Variants in ATP11C observed in about 807,000 individuals in gnomAD.
ATP11C encodes phospholipid-transporting ATPase IG.
ATP11C carries 36 observed loss-of-function variants against 97.4 expected under a neutral mutation model. The observed-to-expected ratio is 0.37, with a 90% CI of 0.28 to 0.49. The LOEUF is 0.49. Ranked by LOEUF, ATP11C falls within the 20% of genes least tolerant of loss-of-function variation. The probability of loss-of-function intolerance (pLI) is 0.98; values close to 1 mark genes in which losing one functional copy is unlikely to be tolerated. For missense variants in ATP11C, 730 were observed against 824.6 expected, an observed-to-expected ratio of 0.89 and a Z score of 1.40; for synonymous variants, 275 against 290.9, an observed-to-expected ratio of 0.95 and a Z score of 0.56.
chrX:139,834,731 CAA>C (rs1007273258), intron 1 of ATP11C, among the ~76,000 whole-genome samples: 1 of 111,656 alleles, frequency 9.0e-6, no homozygotes, highest in African/African-American at 3.3e-5. Flanking sequence ...AGATAAATGG[CAA>C]GAATATCAGG....
intron 1 of ATP11C, among the ~76,000 whole-genome samples, chrX:139,888,219 T>C (rs1282521714): frequency 1.9e-5 from 2 of 107,407 alleles, no homozygotes; most frequent in Non-Finnish European, 3.9e-5. Context: ...TTGCAACCTC[T>C]GCCTCCCGGG....
intron 26 of ATP11C, among the ~76,000 whole-genome samples, chrX:139,742,869 AAAAAAAAATATATATATAT>A (rs1569425947): frequency 8.6e-5 from 2 of 23,282 alleles, no homozygotes; most frequent in African/African-American, 3.6e-4. Flanking sequence ...TAAATTAAAA[AAAAAAAAATATATATATAT>A]ATATATATAT....
chrX:139,876,805 C>A (rs934801373), intron 1 of ATP11C, among the ~76,000 whole-genome samples: 11 of 112,073 alleles, frequency 9.8e-5, no homozygotes, highest in Admixed American at 7.6e-4. Flanking sequence ...AAGTTTTACA[C>A]AACCAAAAAT....
At chrX:139,799,738 C>T (rs933253610) in intron 8 of ATP11C, among the ~76,000 whole-genome samples, 7 of 98,690 alleles carry the variant, frequency 7.1e-5, no homozygotes, top group Admixed American at 2.5e-4. Flanking sequence ...CTGCGACCTT[C>T]GCCTCCCGGG....
At chrX:139,911,577 T>C (rs2085075597) in intron 1 of ATP11C, among the ~76,000 whole-genome samples, 1 of 111,619 alleles carries the variant, frequency 9.0e-6, no homozygotes, top group Non-Finnish European at 1.9e-5. Context: ...TTTGTAAAGA[T>C]GCACATTCCA....
At chrX:139,763,661 C>G (rs768534583) in intron 20 of ATP11C, among the ~76,000 whole-genome samples, 28 of 112,216 alleles carry the variant, frequency 2.5e-4, no homozygotes, top group Admixed American at 1.4e-3. Flanking sequence ...CTAACTACAA[C>G]GTAAATGCTA....
intron 1 of ATP11C, among the ~76,000 whole-genome samples, chrX:139,871,642 T>A (rs1036620785): frequency 9.5e-6 from 1 of 105,570 alleles, no homozygotes; most frequent in Non-Finnish European, 1.9e-5. Context: ...CACCTCAGCC[T>A]CCTGAGTAGC....
Position 139,741,064 on chromosome X carries a change from T to A in ATP11C, c.3061A>T (p.Ile1021Leu). 1 of 1,205,032 alleles carries A rather than the reference T, an allele frequency of 8.3e-7. No individual in the cohort carries two copies. Among genetic ancestry groups the A allele is most frequent in the Middle Eastern group, 2.3e-4 (1 of 4,329 alleles). ...LALDTRFWTWINHFVIWGSLA... is the reference protein window; with the variant it reads ...LALDTRFWTWLNHFVIWGSLA... The stretch of plus-strand genomic sequence containing the variant: ...GAACCCCAAATCACAAAGTGATTTA[T>A]CCACGTCCAGAATCGGGTATCCAAG... The change falls in exon 27 of 30, where the codon ATA becomes TTA. Residue 1021 changes from isoleucine to leucine, a missense_variant. Ile to Leu is a conservative substitution (Grantham distance 5, BLOSUM62 2). Coordinates refer to ENST00000682941, the MANE Select transcript of ATP11C (RefSeq NM_001353812.2).
intron 23 of ATP11C, among the ~76,000 whole-genome samples, chrX:139,750,795 A>G (rs938326234): frequency 9.0e-6 from 1 of 111,729 alleles, no homozygotes; most frequent in African/African-American, 3.3e-5. Context: ...AACAATCAAT[A>G]AACACTAGAT....
chrX:139,876,787 C>T (rs1287164834), intron 1 of ATP11C, among the ~76,000 whole-genome samples: 1 of 112,043 alleles, frequency 8.9e-6, no homozygotes, highest in African/African-American at 3.2e-5. Context: ...ATGTTAGCTG[C>T]TGCAGCTAAG....
At chrX:139,918,383 G>A (rs1256352566) in intron 1 of ATP11C, among the ~76,000 whole-genome samples, 1 of 111,687 alleles carries the variant, frequency 9.0e-6, no homozygotes, top group African/African-American at 3.3e-5. Flanking sequence ...AGGCCGAGGC[G>A]GGTGGATCAC....
intron 1 of ATP11C, among the ~76,000 whole-genome samples, chrX:139,874,209 A>ATTTTTTTTTT (rs140962708): frequency 9.8e-5 from 8 of 82,007 alleles, no homozygotes; most frequent in African/African-American, 2.2e-4. Context: ...TGCCTGGCTA[A>ATTTTTTTTTT]TTTTTTTTTT....
At chrX:139,758,940 C>T (rs778754604) in intron 22 of ATP11C, among the ~76,000 whole-genome samples, 1 of 112,325 alleles carries the variant, frequency 8.9e-6, no homozygotes, top group South Asian at 3.7e-4. Context: ...CAATGTACTA[C>T]TGGCTCTGGA....
In ATP11C at chrX:139,727,984, A is replaced by G. The variant is rs2081278455; in HGVS notation, c.*982T>C. On this transcript the variant is annotated 3_prime_UTR_variant, in exon 30 of 30. Transcript: ENST00000682941. ...AAGTTTAAGAAAAAGCACTGCATAT[A>G]TGCATAAATGCAATCTCTTTCAAAT... is the stretch of plus-strand genomic sequence containing the variant. 8.9e-6 allele frequency: 1 copy of G among 112,523 alleles called. No homozygotes were observed. Among genetic ancestry groups the G allele is most frequent in the Admixed American group, 9.4e-5 (1 of 10,600 alleles). The allele number at this position is 112,523 out of a possible 1,213,427, so 9.3% of individuals were successfully genotyped here.
chrX:139,758,947 T>C (rs1241048126), intron 22 of ATP11C, among the ~76,000 whole-genome samples: 3 of 112,400 alleles, frequency 2.7e-5, no homozygotes, highest in Admixed American at 9.4e-5. Flanking sequence ...CTACTGGCTC[T>C]GGAGGATGTT....
chrX:139,791,796 TCTGA>T (rs1455006046), intron 12 of ATP11C, among the ~76,000 whole-genome samples: 1 of 111,462 alleles, frequency 9.0e-6, no homozygotes, highest in East Asian at 2.8e-4. Flanking sequence ...GCTGCTTTAC[TCTGA>T]CTCTCAAGCA....
chrX:139,932,243 C>A lies in ATP11C; in HGVS notation c.-201G>T. Reference sequence around the variant, plus strand: ...GCCGCCCGCAGCCTAGCCGCCGCCCCGCCTCACTCGCGGCCCGCCCCCGGC... The same window carrying A: ...GCCGCCCGCAGCCTAGCCGCCGCCCAGCCTCACTCGCGGCCCGCCCCCGGC... On this transcript the variant is annotated 5_prime_UTR_variant, in exon 1 of 30. Transcript: ENST00000682941. The A allele has an allele frequency of 2.1e-5, 3 of 144,976 alleles. No individual in the cohort carries two copies. Among genetic ancestry groups the A allele is most frequent in the Non-Finnish European group, 3.6e-5 (3 of 83,354 alleles). 11.9% of individuals were successfully genotyped at this position (144,976 alleles called of 1,213,427 possible). A position where few individuals can be genotyped will look rare whatever the true frequency, so the allele number is the denominator to read the frequency against.
intron 1 of ATP11C, among the ~76,000 whole-genome samples, chrX:139,885,882 A>G (rs769491583): frequency 1.3e-3 from 143 of 111,633 alleles, no homozygotes; most frequent in Non-Finnish European, 2.2e-3. Flanking sequence ...TGAAGAAAAA[A>G]AAAAGATAAA....
At chrX:139,793,556 C>T (rs2082735710) in intron 12 of ATP11C, among the ~76,000 whole-genome samples, 1 of 111,396 alleles carries the variant, frequency 9.0e-6, no homozygotes, top group Non-Finnish European at 1.9e-5. Flanking sequence ...ACCAATGGTT[C>T]AACTTAATGG....
Sources: allele counts gnomAD v4.1 joint callset (sites outside exome capture counted in the v4.1 genomes callset), GRCh38; gene constraint gnomAD v4.1.1; transcripts MANE v1.5; gene names NCBI Gene and HGNC (gene_info 2026-07-23, HGNC 2026-07-21).